CDH13: variants seen among roughly 807,000 people sequenced by gnomAD.
The protein encoded by CDH13 is cadherin-13.
A neutral mutation model predicts 63.8 loss-of-function variants in CDH13; 24 were observed. The ratio of observed to expected loss-of-function variants is 0.38; its 90% CI spans 0.27 to 0.53. The LOEUF (loss-of-function observed/expected upper bound fraction) is 0.53. CDH13 is among the 20% of genes least tolerant of loss of function. The pLI, the probability that CDH13 is intolerant of heterozygous loss-of-function variation, is 0.85. For synonymous variants in CDH13, 503 were observed against 355.3 expected, an observed-to-expected ratio of 1.42 and a Z score of -4.67; for missense variants, 1,049 against 903.1, an observed-to-expected ratio of 1.16 and a Z score of -2.07.
intron 10 of CDH13, among the ~76,000 whole-genome samples, chr16:83,699,796 T>A (rs1216328262): frequency 6.6e-6 from 1 of 152,160 alleles, no homozygotes; most frequent in East Asian, 1.9e-4. Flanking sequence ...CGATTTTCCA[T>A]CCTTCTCAGC....
intron 1 of CDH13, among the ~76,000 whole-genome samples, chr16:82,724,548 C>T (rs1369380217): frequency 6.6e-6 from 1 of 152,184 alleles, no homozygotes; most frequent in African/African-American, 2.4e-5. Context: ...CTTCATTCTA[C>T]ATTTATTGGG....
intron 3 of CDH13, among the ~76,000 whole-genome samples, chr16:83,055,778 C>G (rs2030864524): frequency 6.6e-6 from 1 of 152,066 alleles, no homozygotes; most frequent in African/African-American, 2.4e-5. Flanking sequence ...TTTGCAATAA[C>G]TGACATAAAC....
chr16:83,354,426 A>G (rs928736092), intron 6 of CDH13, among the ~76,000 whole-genome samples: 1 of 152,220 alleles, frequency 6.6e-6, no homozygotes, highest in African/African-American at 2.4e-5. Context: ...GTCAGATAAT[A>G]TTATAGGGGC....
chr16:83,139,998 A>G (rs1285613465), intron 4 of CDH13, among the ~76,000 whole-genome samples: 2 of 152,178 alleles, frequency 1.3e-5, no homozygotes, highest in African/African-American at 2.4e-5. Flanking sequence ...GCAAAACTCC[A>G]TCTATAAATA....
Position 82,656,483 on chromosome 16 carries a change from C to G in CDH13, c.45+29346C>G, listed in dbSNP as rs537466677. Among the ~76,000 whole-genome samples the G allele has an allele frequency of 2.0e-5, 3 of 152,190 alleles. No individual in the cohort carries two copies. The East Asian group carries it at 5.8e-4, about 29-fold the overall frequency. On this transcript the variant is annotated intron_variant, in intron 1 of 13. Coordinates refer to ENST00000567109, the MANE Select transcript of CDH13 (RefSeq NM_001257.5). ...GAAGGTACAGAAGTTTCCCAAGTAC[C>G]TCCTATCCCCACAAATGCACAGCCT...
At chr16:83,434,973 A>G (rs2072248629) in intron 6 of CDH13, among the ~76,000 whole-genome samples, 1 of 64,830 alleles carries the variant, frequency 1.5e-5, no homozygotes, top group Non-Finnish European at 3.2e-5. Context: ...TTTTATTTAT[A>G]TAAATAAATA....
chr16:82,866,251 G>C (rs1363239810), intron 2 of CDH13, among the ~76,000 whole-genome samples: 3 of 151,834 alleles, frequency 2.0e-5, no homozygotes, highest in Admixed American at 6.6e-5. Flanking sequence ...CCTCTAAACT[G>C]TTCCAGCCCC....
intron 5 of CDH13, among the ~76,000 whole-genome samples, chr16:83,240,819 C>A (rs952074755): frequency 1.4e-5 from 2 of 142,424 alleles, no homozygotes; most frequent in East Asian, 4.7e-4. Context: ...GTCTCAGTCC[C>A]CCAAGAAGCT....
chr16:82,858,634 G>A, intron 2 of CDH13, 161 bp downstream of exon 2: 2 of 678,256 alleles, frequency 2.9e-6, no homozygotes, highest in Non-Finnish European at 5.4e-6. Context: ...TTGAATGAGG[G>A]CCTGGCCAAC....
At chr16:83,036,612 C>T (rs1393671488) in intron 3 of CDH13, among the ~76,000 whole-genome samples, 1 of 152,142 alleles carries the variant, frequency 6.6e-6, no homozygotes. Flanking sequence ...TTCCCACTTT[C>T]CCTCTTCCCG....
intron 3 of CDH13, among the ~76,000 whole-genome samples, chr16:83,067,941 G>T (rs1172728838): frequency 6.6e-6 from 1 of 152,048 alleles, no homozygotes; most frequent in Non-Finnish European, 1.5e-5. Flanking sequence ...AAATATCCCT[G>T]GCCTGGGCTT....
chr16:83,647,323 A>G (rs1054973513), intron 8 of CDH13, among the ~76,000 whole-genome samples: 23 of 151,902 alleles, frequency 1.5e-4, no homozygotes, highest in African/African-American at 5.3e-4. Context: ...AAAAAAAAAA[A>G]AAAAAAAAAT....
chr16:83,348,528 G>A (rs2090886980), intron 6 of CDH13, among the ~76,000 whole-genome samples: 1 of 152,296 alleles, frequency 6.6e-6, no homozygotes, highest in African/African-American at 2.4e-5. Flanking sequence ...TGCTCAGAAG[G>A]GCCTGGGGCT....
At chr16:82,630,664 T>G (rs1233970181) in intron 1 of CDH13, among the ~76,000 whole-genome samples, 2 of 152,240 alleles carry the variant, frequency 1.3e-5, no homozygotes, top group Non-Finnish European at 2.9e-5. Context: ...TAGGTTAAAG[T>G]GTAGCTAGGT....
intron 2 of CDH13, among the ~76,000 whole-genome samples, chr16:82,879,116 A>G (rs1718926587): frequency 6.6e-6 from 1 of 152,128 alleles, no homozygotes. Context: ...TGAGCTTTGC[A>G]GGCTGGGCCC....
At chr16:83,205,391 A>C (rs533902301) in intron 4 of CDH13, among the ~76,000 whole-genome samples, 1 of 152,300 alleles carries the variant, frequency 6.6e-6, no homozygotes, top group South Asian at 2.1e-4. Flanking sequence ...TGAATGACCC[A>C]AAGATGACTC....
intron 3 of CDH13, among the ~76,000 whole-genome samples, chr16:83,098,254 A>G (rs571266564): frequency 4.6e-5 from 7 of 152,244 alleles, no homozygotes; most frequent in Non-Finnish European, 1.0e-4. Context: ...CATATATGGT[A>G]TAAGAACCTT....
At chr16:82,630,332 ATT>A (rs369438582) in intron 1 of CDH13, among the ~76,000 whole-genome samples, 1 of 151,440 alleles carries the variant, frequency 6.6e-6, no homozygotes, top group Non-Finnish European at 1.5e-5. Context: ...CTGTCTGAAT[ATT>A]TTTTTTTAGC....
At chr16:83,134,206 T>TC (rs2036173950) in intron 4 of CDH13, among the ~76,000 whole-genome samples, 1 of 152,188 alleles carries the variant, frequency 6.6e-6, no homozygotes, top group Non-Finnish European at 1.5e-5. Context: ...TTGTTTTTTT[T>TC]CTTTGAGACA....
Sources: allele counts gnomAD v4.1 joint callset (sites outside exome capture counted in the v4.1 genomes callset), GRCh38; gene constraint gnomAD v4.1.1; transcripts MANE v1.5; gene names NCBI Gene and HGNC (gene_info 2026-07-23, HGNC 2026-07-21).